TMEM117: variants seen among roughly 807,000 people sequenced by gnomAD.
The protein encoded by TMEM117 is transmembrane protein 117.
TMEM117 carries 27 observed loss-of-function variants against 52.4 expected under a neutral mutation model. The ratio of observed to expected loss-of-function variants is 0.51; its 90% CI spans 0.38 to 0.71. TMEM117 has a LOEUF of 0.71. Ranked by LOEUF, TMEM117 falls within the 30% of genes least tolerant of loss-of-function variation. The pLI is 0.00. For synonymous variants in TMEM117, 215 were observed against 206.3 expected (o/e 1.04, Z -0.36); for missense variants, 556 against 630.5 (o/e 0.88, Z 1.26).
At chr12:43,961,550 G>A (rs1945403882) in intron 3 of TMEM117, among the ~76,000 whole-genome samples, 3 of 152,132 alleles carry the variant, frequency 2.0e-5, no homozygotes, top group Admixed American at 6.5e-5. Flanking sequence ...ATGTAAAGCA[G>A]TTCCTTATTT....
chr12:43,799,260 CTTA>C, the TMEM117 span: 1 of 501,446 alleles, frequency 2.0e-6, no homozygotes, highest in Non-Finnish European at 3.4e-6. Context: ...AGCACATAGC[CTTA>C]TCTCTAAACT....
upstream of TMEM117, among the ~76,000 whole-genome samples, chr12:43,835,567 C>T (rs902277708): frequency 6.6e-6 from 1 of 152,124 alleles, no homozygotes; most frequent in Non-Finnish European, 1.5e-5. Context: ...TCTCCCCACC[C>T]CCACATCCCC....
At chr12:43,960,774 G>A (rs1424651572) in intron 3 of TMEM117, among the ~76,000 whole-genome samples, 2 of 152,026 alleles carry the variant, frequency 1.3e-5, no homozygotes, top group Admixed American at 1.3e-4. Flanking sequence ...AAAATAATGC[G>A]GAAACGTTAG....
At position 43,960,332 on chromosome 12, in the gene TMEM117, G is replaced by C. The variant is rs547536125; in HGVS notation, c.410+15990G>C. Reference sequence around the variant, plus strand: ...GGGGAGAGGGAGAAGGAGAGGGAAGGGGGTAAGAGGGAGGAAGAAGAAAGA... The same window carrying C: ...GGGGAGAGGGAGAAGGAGAGGGAAGCGGGTAAGAGGGAGGAAGAAGAAAGA... On this transcript the variant is annotated intron_variant, in intron 3 of 7. Transcript: ENST00000266534. Among the ~76,000 whole-genome samples the C allele has an allele frequency of 7.9e-5, 12 of 151,264 alleles. No homozygotes were observed. In the South Asian group the frequency reaches 1.3e-3, roughly 16 times the overall value.
downstream of TMEM117, among the ~76,000 whole-genome samples, chr12:44,394,726 A>G (rs948074225): frequency 2.6e-4 from 39 of 152,316 alleles, no homozygotes; most frequent in African/African-American, 9.4e-4. Flanking sequence ...TCCTGAAGTG[A>G]AAGTGCTTGT....
intron 3 of TMEM117, among the ~76,000 whole-genome samples, chr12:43,999,146 A>G (rs1396986227): frequency 1.3e-5 from 2 of 152,364 alleles, no homozygotes; most frequent in East Asian, 1.9e-4. Context: ...ACATATATCA[A>G]TATTCCAGTC....
intron 3 of TMEM117, among the ~76,000 whole-genome samples, chr12:43,983,061 C>A (rs1478295862): frequency 6.6e-6 from 1 of 152,176 alleles, no homozygotes; most frequent in East Asian, 1.9e-4. Context: ...TATTTGATTG[C>A]TGATCTGTGG....
At chr12:44,318,979 G>A (rs909661614) in intron 6 of TMEM117, among the ~76,000 whole-genome samples, 1 of 152,170 alleles carries the variant, frequency 6.6e-6, no homozygotes, top group South Asian at 2.1e-4. Context: ...AGCTAGGCCT[G>A]GCTACAAGTC....
At chr12:43,930,773 A>T (rs1180373837) in intron 2 of TMEM117, among the ~76,000 whole-genome samples, 1 of 152,134 alleles carries the variant, frequency 6.6e-6, no homozygotes, top group Non-Finnish European at 1.5e-5. Context: ...TGCCTTTATT[A>T]TTGTCTGATT....
At chr12:43,904,396 T>C (rs543110045) in intron 2 of TMEM117, among the ~76,000 whole-genome samples, 17 of 152,270 alleles carry the variant, frequency 1.1e-4, no homozygotes, top group African/African-American at 3.6e-4. Context: ...GACAAAATGA[T>C]TCCTAATGAT....
chr12:44,086,535 C>G (rs1429235419), intron 3 of TMEM117, among the ~76,000 whole-genome samples: 3 of 151,998 alleles, frequency 2.0e-5, no homozygotes, highest in East Asian at 1.9e-4. Flanking sequence ...ATTCCTGCCT[C>G]CATTGTACTT....
intron 3 of TMEM117, among the ~76,000 whole-genome samples, chr12:44,038,790 G>C (rs1243171047): frequency 2.0e-5 from 3 of 152,184 alleles, no homozygotes; most frequent in Admixed American, 6.5e-5. Context: ...TTTAGGAGTT[G>C]TTTAAATGCT....
At chr12:44,240,485 A>G (rs1950048215) in intron 5 of TMEM117, among the ~76,000 whole-genome samples, 1 of 152,068 alleles carries the variant, frequency 6.6e-6, no homozygotes, top group Non-Finnish European at 1.5e-5. Flanking sequence ...AGATATTGCA[A>G]CAATTGGTGG....
upstream of TMEM117, among the ~76,000 whole-genome samples, chr12:43,835,287 A>G (rs1943008964): frequency 6.6e-6 from 1 of 152,168 alleles, no homozygotes; most frequent in Non-Finnish European, 1.5e-5. Context: ...CAGAGGTATC[A>G]TTTAGGTATC....
At chr12:44,084,518 A>G (rs1455751355) in intron 3 of TMEM117, among the ~76,000 whole-genome samples, 2 of 152,214 alleles carry the variant, frequency 1.3e-5, no homozygotes, top group Admixed American at 1.3e-4. Context: ...TTTCACAGTA[A>G]GAGGCAAATG....
chr12:44,031,128 AATC>A (rs1167765480), intron 3 of TMEM117, among the ~76,000 whole-genome samples: 1 of 152,218 alleles, frequency 6.6e-6, no homozygotes, highest in Admixed American at 6.5e-5. Context: ...TTGGTATAAA[AATC>A]ATGCAGGTAG....
chr12:44,029,330 T>G (rs1946595021), intron 3 of TMEM117, among the ~76,000 whole-genome samples: 1 of 152,202 alleles, frequency 6.6e-6, no homozygotes, highest in East Asian at 1.9e-4. Flanking sequence ...CTATTCTCTT[T>G]GGAATAATCT....
chr12:44,260,310 C>T (rs1191479433), intron 5 of TMEM117, among the ~76,000 whole-genome samples: 1 of 151,958 alleles, frequency 6.6e-6, no homozygotes, highest in Non-Finnish European at 1.5e-5. Flanking sequence ...TTTGACTTGC[C>T]CTCTGGCTAA....
At chr12:43,942,620 C>CT (rs532952208) in intron 2 of TMEM117, among the ~76,000 whole-genome samples, 9 of 148,090 alleles carry the variant, frequency 6.1e-5, no homozygotes, top group South Asian at 2.2e-4. Context: ...CCTCCCCGCT[C>CT]TTTTTTTTTT....
Sources: allele counts gnomAD v4.1 joint callset (sites outside exome capture counted in the v4.1 genomes callset), GRCh38; gene constraint gnomAD v4.1.1; transcripts MANE v1.5; gene names NCBI Gene and HGNC (gene_info 2026-07-23, HGNC 2026-07-21).